SRPRB: variants seen among roughly 807,000 people sequenced by gnomAD.
SRPRB encodes the protein SRP receptor subunit beta.
SRPRB carries 20 observed loss-of-function variants against 31.9 expected under a neutral mutation model. The ratio of observed to expected loss-of-function variants is 0.63; its 90% CI spans 0.44 to 0.91. The LOEUF is 0.91. Ranked by LOEUF, SRPRB falls within the 40% of genes least tolerant of loss-of-function variation. The probability of loss-of-function intolerance (pLI) is 0.00; values close to 1 mark genes in which losing one functional copy is unlikely to be tolerated. For synonymous variants in SRPRB, 146 were observed against 132.8 expected, an observed-to-expected ratio of 1.10 and a Z score of -0.68; for missense variants, 321 against 324.9, an observed-to-expected ratio of 0.99 and a Z score of 0.09.
At chr3:133,825,709 G>C (rs1248515298), downstream of SRPRB, 1 of 152,206 alleles carries the variant, frequency 6.6e-6, no homozygotes. Flanking sequence ...GATGCCTGCA[G>C]AACAGGAGCT....
At chr3:133,806,460 A>C in intron 1 of SRPRB, 149 bp from the exon 2 acceptor site, 2 of 619,384 alleles carry the variant, frequency 3.2e-6, no homozygotes, top group South Asian at 4.4e-5. Context: ...GATCCCTAAC[A>C]ACAGCAATAG....
At chr3:133,817,576 T>TA (rs1935388516) in intron 6 of SRPRB, among the ~76,000 whole-genome samples, 1 of 152,228 alleles carries the variant, frequency 6.6e-6, no homozygotes, top group South Asian at 2.1e-4. Context: ...TCTTCTGCGT[T>TA]ATGCCAATTT....
chr3:133,823,357 T>C (rs1935505463), downstream of SRPRB, among the ~76,000 whole-genome samples: 1 of 152,190 alleles, frequency 6.6e-6, no homozygotes, highest in South Asian at 2.1e-4. Context: ...CCTCCCGGGT[T>C]CAAGTGATTC....
chr3:133,824,021 A>G (rs1935515483), downstream of SRPRB, among the ~76,000 whole-genome samples: 1 of 152,022 alleles, frequency 6.6e-6, no homozygotes, highest in African/African-American at 2.4e-5. Flanking sequence ...ATGCGTGTGG[A>G]TTTACTCTCA....
At chr3:133,805,670 C>G (rs1379679337), upstream of SRPRB, 2 of 661,036 alleles carry the variant, frequency 3.0e-6, no homozygotes, top group African/African-American at 3.8e-5. Flanking sequence ...CCCTATCGTT[C>G]TGTAGGAGGA....
intron 3 of SRPRB, among the ~76,000 whole-genome samples, chr3:133,809,193 A>G (rs1269126800): frequency 2.6e-5 from 4 of 151,938 alleles, no homozygotes; most frequent in East Asian, 3.9e-4. Context: ...GGGTTTCACC[A>G]TGTTGGCCAG....
downstream of SRPRB, chr3:133,821,546 G>C (rs1341802835): frequency 6.6e-6 from 1 of 152,124 alleles, no homozygotes; most frequent in East Asian, 1.9e-4. Flanking sequence ...TACTTTATTG[G>C]AGGAAGCAGC....
At chr3:133,797,903 G>A (rs1465215390) in intron 1 of SRPRB, among the ~76,000 whole-genome samples, 3 of 151,998 alleles carry the variant, frequency 2.0e-5, no homozygotes, top group African/African-American at 7.2e-5. Flanking sequence ...ACATAGTCCT[G>A]TACTTAGTCA....
In SRPRB at chr3:133,784,947, G is replaced by T. The variant is rs1311950828; in HGVS notation, c.-174+803G>T. On this transcript the variant is annotated intron_variant, in intron 1 of 7. Transcript: ENST00000466490. Reference sequence around the variant, plus strand: ...TAACAATACTATTTTTTAGGGAGGTGGGGGGGTCAGCCCCCCGCCTGGCCA... The same window carrying T: ...TAACAATACTATTTTTTAGGGAGGTTGGGGGGTCAGCCCCCCGCCTGGCCA... 2.5e-5 allele frequency: 2 copies of T among 79,944 alleles called. 1 individual carries two copies. The highest frequency in any genetic ancestry group is 6.3e-5 in the Non-Finnish European group (2 of 31,690). 5.0% of individuals were successfully genotyped at this position (79,944 alleles called of 1,614,324 possible).
At chr3:133,790,319 C>T in intron 1 of SRPRB, 1 of 152,140 alleles carries the variant, frequency 6.6e-6, no homozygotes, top group Non-Finnish European at 1.5e-5. Flanking sequence ...TTTAGCGTTT[C>T]ACTAAAGTTT....
At chr3:133,801,447 G>A (rs148534936), upstream of SRPRB, among the ~76,000 whole-genome samples, 30 of 152,302 alleles carry the variant, frequency 2.0e-4, no homozygotes, top group East Asian at 5.8e-3. Flanking sequence ...GAGTGTGGGA[G>A]CTGTGCACAT....
chr3:133,803,527 G>A (rs1935092322), upstream of SRPRB, among the ~76,000 whole-genome samples: 3 of 152,194 alleles, frequency 2.0e-5, no homozygotes. Context: ...TGGCTTTTGA[G>A]GGTGTGCCTA....
chr3:133,799,232 T>C (rs2107962559), intron 1 of SRPRB, among the ~76,000 whole-genome samples: 1 of 152,300 alleles, frequency 6.6e-6, no homozygotes, highest in East Asian at 1.9e-4. Context: ...ATATATCCCA[T>C]GGAAGTACTC....
At chr3:133,806,350 C>A (rs1038034015) in intron 1 of SRPRB, among the ~76,000 whole-genome samples, 2 of 152,196 alleles carry the variant, frequency 1.3e-5, no homozygotes, top group Non-Finnish European at 2.9e-5. Flanking sequence ...TGTTTGCGTG[C>A]GGGCGCTGGG....
intron 5 of SRPRB, 42 bp from the exon 6 acceptor site, chr3:133,816,836 C>A: frequency 2.0e-6 from 3 of 1,529,728 alleles, no homozygotes; most frequent in South Asian, 1.2e-5. Context: ...GGAAAAAACT[C>A]ATTCTCGTTT....
chr3:133,787,635 G>A lies in SRPRB; in HGVS notation c.-174+3491G>A, dbSNP rs990397876. 2.2e-4 allele frequency: 33 copies of A among 152,334 alleles called. No individual in the cohort carries two copies. In the East Asian group the frequency reaches 6.2e-3, roughly 28 times the overall value. 9.4% of individuals were successfully genotyped at this position (152,334 alleles called of 1,614,324 possible). A position where few individuals can be genotyped will look rare whatever the true frequency, so the allele number is the denominator to read the frequency against. On this transcript the variant is annotated intron_variant, in intron 1 of 7. Transcript: ENST00000466490. ...TTGTTAAATCACCTCTGTGAACAGT[G>A]TTACTTGTTCATTCAGTTGAGGAAG...
At chr3:133,789,961 A>G (rs939577630) in intron 1 of SRPRB, 4 of 148,534 alleles carry the variant, frequency 2.7e-5, no homozygotes, top group Admixed American at 1.4e-4. Flanking sequence ...ACTGGCAAAA[A>G]TACGTATGTA....
intron 5 of SRPRB, 45 bp downstream of exon 5, chr3:133,815,771 TTGC>T (rs1559892759): frequency 2.5e-6 from 4 of 1,597,336 alleles, no homozygotes; most frequent in Non-Finnish European, 2.6e-6. Flanking sequence ...TTTTTGGGGA[TTGC>T]TGCTACTAAG....
In SRPRB at chr3:133,821,181, C is replaced by G. The variant is rs946832659; in HGVS notation, c.*1415C>G. 1.3e-5 allele frequency: 2 copies of G among 152,200 alleles called. No homozygotes were observed. The highest frequency in any genetic ancestry group is 4.1e-4 in the South Asian group (2 of 4,830). 9.4% of individuals were successfully genotyped at this position (152,200 alleles called of 1,614,324 possible). ...TCACTTGGGCTCTAGGAGTATACGT[C>G]ACCTCAGACCATCTGGCAGAAATAC... On this transcript the variant is annotated 3_prime_UTR_variant, in exon 7 of 7. Transcript: ENST00000678299.
Sources: allele counts gnomAD v4.1 joint callset (sites outside exome capture counted in the v4.1 genomes callset), GRCh38; gene constraint gnomAD v4.1.1; transcripts MANE v1.5; gene names NCBI Gene and HGNC (gene_info 2026-07-23, HGNC 2026-07-21).